USP25: variants seen among roughly 807,000 people sequenced by gnomAD.
The protein encoded by USP25 is ubiquitin specific peptidase 25.
In USP25, 85 loss-of-function variants were observed where a neutral mutation model predicts 158.5. The ratio of observed to expected loss-of-function variants is 0.54; its 90% confidence interval spans 0.45 to 0.64. The LOEUF (loss-of-function observed/expected upper bound fraction) is 0.64, where lower values mean the gene tolerates loss of function less well. Ranked by LOEUF, USP25 falls within the 30% of genes least tolerant of loss-of-function variation. The probability of loss-of-function intolerance (pLI) is 0.00; values close to 1 mark genes in which losing one functional copy is unlikely to be tolerated. For missense variants in USP25, 1,242 were observed against 1,327.3 expected (o/e 0.94, Z 1.00); for synonymous variants, 464 against 460.4 (o/e 1.01, Z -0.10).
At chr21:15,771,750 A>G (rs2034368302) in intron 3 of USP25, among the ~76,000 whole-genome samples, 1 of 150,646 alleles carries the variant, frequency 6.6e-6, no homozygotes, top group Non-Finnish European at 1.5e-5. Flanking sequence ...CAGATCTGTC[A>G]GTTTTTGTAT....
chr21:15,757,549 C>T (rs914013120), intron 1 of USP25, among the ~76,000 whole-genome samples: 12 of 152,196 alleles, frequency 7.9e-5, no homozygotes, highest in Admixed American at 7.9e-4. Flanking sequence ...TAACAAACCA[C>T]CTCAAAACCC....
At chr21:15,809,100 A>T (rs920403546) in intron 8 of USP25, among the ~76,000 whole-genome samples, 3 of 152,188 alleles carry the variant, frequency 2.0e-5, no homozygotes, top group African/African-American at 7.2e-5. Context: ...TTACATGCCC[A>T]GTTCCTTTTC....
rs1260567925 is a variant in USP25, at chr21:15,842,514, A to G, written c.2311A>G (p.Lys771Glu). ...CAAGGCATCACATGAGCATGAAGATAAAAGTCCTGAAACAGTTTTGCAGTC... is the reference window on the plus strand; with the variant it reads ...CAAGGCATCACATGAGCATGAAGATGAAAGTCCTGAAACAGTTTTGCAGTC... ...ITKASHEHED[K>E]SPETVLQSKP... Residue 771 changes from lysine to glutamate, a missense_variant, in exon 18 of 26, where the codon AAA (lysine) becomes GAA (glutamate). Transcript: ENST00000400183. 2 of 1,613,638 alleles carry G rather than the reference A, an allele frequency of 1.2e-6. No homozygotes were observed. Among genetic ancestry groups the G allele is most frequent in the African/African-American group, 1.3e-5 (1 of 75,008 alleles).
At position 15,805,332 on chromosome 21, in the gene USP25, A is replaced by G. The variant is rs1338128031; in HGVS notation, c.780+74A>G. ...AACAATATTAAGCACCTTTCCCAAG[A>G]ATATGAGACTATTTGAGATGCATGA... On this transcript the variant is annotated intron_variant, in intron 7 of 25. Coordinates refer to ENST00000400183, the MANE Select transcript of USP25 (RefSeq NM_001283041.3). The G allele has an allele frequency of 5.2e-6, 7 of 1,343,280 alleles. No individual in the cohort carries two copies. The Middle Eastern group carries it at 6.4e-4, about 122-fold the overall frequency. The allele number at this position is 1,343,280 out of a possible 1,614,324, so 83.2% of individuals were successfully genotyped here.
At chr21:15,853,663 C>T (rs1408442050) in intron 20 of USP25, among the ~76,000 whole-genome samples, 1 of 152,084 alleles carries the variant, frequency 6.6e-6, no homozygotes, top group Non-Finnish European at 1.5e-5. Flanking sequence ...CTGTTTAACT[C>T]ATTAGCATTT....
chr21:15,791,166 A>G (rs1388094446), intron 4 of USP25, among the ~76,000 whole-genome samples: 1 of 151,894 alleles, frequency 6.6e-6, no homozygotes, highest in Non-Finnish European at 1.5e-5. Flanking sequence ...TATTGTAAAT[A>G]TGTACTTTAA....
chr21:15,775,766 A>G (rs987541187), intron 3 of USP25, among the ~76,000 whole-genome samples: 1 of 27,458 alleles, frequency 3.6e-5, no homozygotes, highest in Non-Finnish European at 7.1e-5. Flanking sequence ...CCCCCGCTGC[A>G]CTCTGCCTTC....
chr21:15,866,329 C>A lies in USP25; in HGVS notation c.2790C>A (p.Asn930Lys). Reference sequence around the variant, plus strand: ...AAATGATAAAACCTGAAGAAGTAAACTTGGAGGAATATGAGGTAATGTGCT... The same window carrying A: ...AAATGATAAAACCTGAAGAAGTAAAATTGGAGGAATATGAGGTAATGTGCT... Reference protein sequence around the residue: ...KLEMIKPEEVNLEEYEEWHQD... With the variant: ...KLEMIKPEEVKLEEYEEWHQD... Residue 930 changes from asparagine to lysine, a missense_variant, in exon 22 of 26, where the codon AAC becomes AAA. Transcript: ENST00000400183. 1.2e-6 allele frequency: 2 copies of A among 1,600,046 alleles called. No homozygotes were observed. The highest frequency in any genetic ancestry group is 1.7e-5 in the Admixed American group (1 of 58,280).
At chr21:15,856,763 A>G (rs1477443239) in intron 20 of USP25, among the ~76,000 whole-genome samples, 4 of 151,988 alleles carry the variant, frequency 2.6e-5, no homozygotes, top group African/African-American at 9.7e-5. Context: ...GAGCCACCGC[A>G]CCCGGCCAGA....
intron 3 of USP25, among the ~76,000 whole-genome samples, chr21:15,771,146 T>C (rs976319463): frequency 7.9e-5 from 12 of 152,198 alleles, no homozygotes; most frequent in African/African-American, 2.4e-4. Context: ...ATGCAGAGCC[T>C]CAGTTTACAT....
chr21:15,807,098 A>G (rs1214048851), intron 7 of USP25, among the ~76,000 whole-genome samples: 1 of 151,778 alleles, frequency 6.6e-6, no homozygotes, highest in East Asian at 1.9e-4. Flanking sequence ...AAATAATTTT[A>G]TTTTATTTTT....
chr21:15,755,509 T>C (rs1398182364), intron 1 of USP25, among the ~76,000 whole-genome samples: 2 of 152,206 alleles, frequency 1.3e-5, no homozygotes, highest in African/African-American at 4.8e-5. Context: ...TGAGAAAATA[T>C]GGCAAGGACA....
chr21:15,775,492 G>A (rs1171720924), intron 3 of USP25, among the ~76,000 whole-genome samples: 1 of 152,162 alleles, frequency 6.6e-6, no homozygotes, highest in African/African-American at 2.4e-5. Context: ...AATTAGGAAA[G>A]CGGCCTCTTG....
rs2037516172 is a variant in USP25, at chr21:15,826,603, T to C, written c.1466+238T>C. On this transcript the variant is annotated intron_variant, in intron 13 of 25. Coordinates refer to ENST00000400183, the MANE Select transcript of USP25 (RefSeq NM_001283041.3). The surrounding 1 kb of genome is among the most constrained non-coding windows in gnomAD (Gnocchi z 4.8). ...TTTTTTTCAGTTCAGAATTATACTT[T>C]AGCATGTTTTGGTATGTACATATAT... 6.6e-6 allele frequency among the ~76,000 whole-genome samples: 1 copy of C among 152,194 alleles called. No individual in the cohort carries two copies. Among genetic ancestry groups the C allele is most frequent in the Non-Finnish European group, 1.5e-5 (1 of 68,032 alleles).
intron 17 of USP25, among the ~76,000 whole-genome samples, chr21:15,839,794 A>G (rs79452250): frequency 0.076 from 11,559 of 152,206 alleles, 506 homozygotes; most frequent in East Asian, 0.098. Flanking sequence ...CATCTACACC[A>G]GATTACTCAT....
chr21:15,734,525 T>G (rs529643651), intron 1 of USP25, among the ~76,000 whole-genome samples: 1 of 152,158 alleles, frequency 6.6e-6, no homozygotes, highest in East Asian at 1.9e-4. Flanking sequence ...ACTTGTAGAC[T>G]CACATTGTAT....
chr21:15,805,812 CAG>C (rs998385031), intron 7 of USP25, among the ~76,000 whole-genome samples: 68 of 152,012 alleles, frequency 4.5e-4, no homozygotes, highest in African/African-American at 1.4e-3. Flanking sequence ...AGAAGGAAAA[CAG>C]AGGAAAAAAT....
intron 1 of USP25, chr21:15,743,914 T>A (rs1479568120): frequency 1.3e-5 from 2 of 155,510 alleles, no homozygotes; most frequent in East Asian, 3.9e-4. Context: ...CTTTACCAAT[T>A]TTGGTAGCAT....
chr21:15,766,011 C>T lies in USP25; in HGVS notation c.138C>T (p.Asn46=). Residue 46 remains asparagine (N), a synonymous_variant, in exon 3 of 26, where the codon AAC becomes AAT. Transcript: ENST00000400183. The surrounding 1 kb of genome is among the most constrained non-coding windows in gnomAD (Gnocchi z 4.0). ...LQQALKDSNG[N]LELAVAFLTA... is the part of the protein sequence containing the mutation. ...GATATTTGAAGGATAGTAATGGAAA[C>T]TTGGAATTAGCAGTGGCTTTCCTTA... 1 of 1,604,522 alleles carries T rather than the reference C, an allele frequency of 6.2e-7. No homozygotes were observed. The highest frequency in any genetic ancestry group is 8.5e-7 in the Non-Finnish European group (1 of 1,175,900).
Sources: gnomAD v4.1 joint callset for allele counts (sites outside exome capture counted in the v4.1 genomes callset) on GRCh38, gnomAD v4.1.1 for gene constraint, Gnocchi (gnomAD v3.1) non-coding constraint, MANE v1.5 for transcripts, NCBI Gene and HGNC (gene_info 2026-07-23, HGNC 2026-07-21) for gene names.